RBMS1: variants seen among roughly 807,000 people sequenced by gnomAD.
RBMS1 encodes RNA-binding motif, single-stranded-interacting protein 1.
RBMS1 carries 17 observed loss-of-function variants against 62.3 expected under a neutral mutation model. The ratio of observed to expected loss-of-function variants is 0.27; its 90% confidence interval spans 0.19 to 0.41. RBMS1 has a LOEUF of 0.41. Among genes scored for constraint, RBMS1 ranks in the 10% least tolerant of loss-of-function variants. RBMS1 has a pLI of 1.00. For missense variants in RBMS1, 334 were observed against 504.5 expected (o/e 0.66, Z 3.24); for synonymous variants, 172 against 170.0 (o/e 1.01, Z -0.09).
chr2:160,287,124 A>C (rs1167989823), intron 6 of RBMS1, 40 bp from the exon 7 acceptor site: 12 of 1,608,108 alleles, frequency 7.5e-6, no homozygotes, highest in Non-Finnish European at 1.0e-5. Context: ...CCACAATGAT[A>C]CGTGTATGTG....
At chr2:160,298,242 G>A (rs1314926465) in intron 6 of RBMS1, among the ~76,000 whole-genome samples, 1 of 152,106 alleles carries the variant, frequency 6.6e-6, no homozygotes, top group Non-Finnish European at 1.5e-5. Context: ...GGGAGTCTGG[G>A]TAGATACTGG....
At chr2:160,303,087 C>T (rs1051303240) in intron 5 of RBMS1, among the ~76,000 whole-genome samples, 1 of 152,164 alleles carries the variant, frequency 6.6e-6, no homozygotes, top group Non-Finnish European at 1.5e-5. Flanking sequence ...AGAACTTTTG[C>T]TCATGTGATA....
At chr2:160,335,152 A>G (rs1691497926) in intron 2 of RBMS1, among the ~76,000 whole-genome samples, 1 of 152,158 alleles carries the variant, frequency 6.6e-6, no homozygotes, top group South Asian at 2.1e-4. Flanking sequence ...CATGTGGTGG[A>G]CCTATCCACC....
At chr2:160,314,985 T>C (rs769207754) in intron 3 of RBMS1, among the ~76,000 whole-genome samples, 7 of 152,208 alleles carry the variant, frequency 4.6e-5, no homozygotes, top group Non-Finnish European at 7.3e-5. Flanking sequence ...TACAATGAAA[T>C]GATACAGCTT....
chr2:160,446,030 A>G (rs1377764055), intron 1 of RBMS1, among the ~76,000 whole-genome samples: 1 of 152,232 alleles, frequency 6.6e-6, no homozygotes, highest in Non-Finnish European at 1.5e-5. Context: ...TCAAGTGGTT[A>G]ACTCCAGGTA....
At chr2:160,371,441 C>A (rs1210741666) in intron 1 of RBMS1, among the ~76,000 whole-genome samples, 1 of 152,086 alleles carries the variant, frequency 6.6e-6, no homozygotes, top group Non-Finnish European at 1.5e-5. Flanking sequence ...CCCACTCATC[C>A]CAAAAGAGCC....
At chr2:160,352,415 G>A (rs552748849) in intron 2 of RBMS1, among the ~76,000 whole-genome samples, 37 of 152,232 alleles carry the variant, frequency 2.4e-4, no homozygotes, top group African/African-American at 8.7e-4. Flanking sequence ...AAGTACTTTA[G>A]GGGTTCCATC....
intron 1 of RBMS1, among the ~76,000 whole-genome samples, chr2:160,430,049 G>A (rs945689753): frequency 6.6e-6 from 1 of 152,220 alleles, no homozygotes; most frequent in African/African-American, 2.4e-5. Flanking sequence ...ACACAGAGGA[G>A]AATGGAGGCA....
chr2:160,306,480 C>T (rs1689531993), intron 4 of RBMS1, among the ~76,000 whole-genome samples: 1 of 152,038 alleles, frequency 6.6e-6, no homozygotes, highest in Non-Finnish European at 1.5e-5. Flanking sequence ...GATGTGAATG[C>T]ATTTGTTTTC....
At chr2:160,327,420 G>A (rs566233796) in intron 2 of RBMS1, among the ~76,000 whole-genome samples, 30 of 152,026 alleles carry the variant, frequency 2.0e-4, no homozygotes, top group South Asian at 4.2e-4. Context: ...ATTAAAAATC[G>A]CTAAGATGCA....
At chr2:160,467,610 C>A (rs1684748393) in intron 1 of RBMS1, among the ~76,000 whole-genome samples, 1 of 152,160 alleles carries the variant, frequency 6.6e-6, no homozygotes, top group Non-Finnish European at 1.5e-5. Flanking sequence ...CAAGGCAAAA[C>A]CTGTCTGGGC....
chr2:160,306,546 G>A (rs969605473), intron 4 of RBMS1, among the ~76,000 whole-genome samples: 3 of 151,516 alleles, frequency 2.0e-5, no homozygotes, highest in South Asian at 2.1e-4. Flanking sequence ...GACCTTTAGC[G>A]CTAATGTTAT....
intron 2 of RBMS1, among the ~76,000 whole-genome samples, chr2:160,334,910 T>C (rs1017493989): frequency 6.6e-6 from 1 of 151,332 alleles, no homozygotes; most frequent in Non-Finnish European, 1.5e-5. Context: ...AAAGCTATAA[T>C]GGATACCTAA....
chr2:160,489,666 T>C (rs1400609489), intron 1 of RBMS1, among the ~76,000 whole-genome samples: 1 of 152,156 alleles, frequency 6.6e-6, no homozygotes, highest in Non-Finnish European at 1.5e-5. Flanking sequence ...GTCATAAGCG[T>C]ATGTAAAAAT....
At chr2:160,314,913 T>C (rs917857279) in intron 3 of RBMS1, among the ~76,000 whole-genome samples, 1 of 152,166 alleles carries the variant, frequency 6.6e-6, no homozygotes, top group African/African-American at 2.4e-5. Context: ...CACACAGGCA[T>C]GTACATGCAC....
chr2:160,387,998 G>A (rs967803877), intron 1 of RBMS1, among the ~76,000 whole-genome samples: 1 of 152,154 alleles, frequency 6.6e-6, no homozygotes, highest in African/African-American at 2.4e-5. Flanking sequence ...TGGCTCTCAT[G>A]CATCAGTCCA....
intron 2 of RBMS1, among the ~76,000 whole-genome samples, chr2:160,340,357 C>G (rs12692593): frequency 6.6e-6 from 1 of 151,948 alleles, no homozygotes. Context: ...ATATGAGACT[C>G]TGGAAGACTT....
chr2:160,410,888 C>T (rs1299645394), intron 1 of RBMS1, among the ~76,000 whole-genome samples: 3 of 152,198 alleles, frequency 2.0e-5, no homozygotes, highest in African/African-American at 4.8e-5. Context: ...GGACTACAGG[C>T]GTGTGCCACC....
chr2:160,384,700 G>C (rs114669566), intron 1 of RBMS1, among the ~76,000 whole-genome samples: 14 of 152,340 alleles, frequency 9.2e-5, no homozygotes, highest in Non-Finnish European at 2.1e-4. Flanking sequence ...CTAGCTCGCA[G>C]TGTTGTTGTA....
Sources: allele counts gnomAD v4.1 joint callset (sites outside exome capture counted in the v4.1 genomes callset), GRCh38; gene constraint gnomAD v4.1.1; transcripts MANE v1.5; gene names NCBI Gene and HGNC (gene_info 2026-07-23, HGNC 2026-07-21).